The following CTNND2 variants were observed in gnomAD, a reference collection of about 807,000 sequenced individuals.
The protein encoded by CTNND2 is catenin delta-2.
CTNND2 carries 22 observed loss-of-function variants against 144.4 expected under a neutral mutation model. The observed-to-expected ratio is 0.15, with a 90% CI of 0.11 to 0.22. The LOEUF (loss-of-function observed/expected upper bound fraction) is 0.22, where lower values mean the gene tolerates loss of function less well. Ranked by LOEUF, CTNND2 falls within the 10% of genes least tolerant of loss-of-function variation. The probability of loss-of-function intolerance (pLI) is 1.00; values close to 1 mark genes in which losing one functional copy is unlikely to be tolerated. For missense variants in CTNND2, 1,353 were observed against 1,618.8 expected, an observed-to-expected ratio of 0.84 and a Z score of 2.82; for synonymous variants, 751 against 695.6, an observed-to-expected ratio of 1.08 and a Z score of -1.25.
At chr5:11,404,776 C>G (rs896870218) in intron 5 of CTNND2, among the ~76,000 whole-genome samples, 3 of 151,780 alleles carry the variant, frequency 2.0e-5, no homozygotes, top group African/African-American at 7.3e-5. Context: ...CCCCACCATG[C>G]CCGGCTAATT....
At chr5:11,005,432 A>C (rs1163573485) in intron 18 of CTNND2, among the ~76,000 whole-genome samples, 1 of 152,222 alleles carries the variant, frequency 6.6e-6, no homozygotes, top group Admixed American at 6.5e-5. Flanking sequence ...AAATAGACTG[A>C]AGATGGTAAC....
rs559949426 is a variant in CTNND2 at position 11,798,023 on chromosome 5, C to T, written c.38-65751G>A. Among the ~76,000 whole-genome samples the T allele has an allele frequency of 1.4e-4, 22 of 151,980 alleles. No individual in the cohort carries two copies. The East Asian group carries it at 4.3e-3, about 30-fold the overall frequency. ...CTGTAATCCTAGCATTTTGGGAGGC[C>T]AAGGTGGGCAGATCACCTGAGGTGA... On this transcript the variant is annotated intron_variant, in intron 1 of 21. Coordinates refer to ENST00000304623, the MANE Select transcript of CTNND2 (RefSeq NM_001332.4).
chr5:11,617,777 G>T (rs1336574292), intron 2 of CTNND2, among the ~76,000 whole-genome samples: 1 of 152,178 alleles, frequency 6.6e-6, no homozygotes, highest in Non-Finnish European at 1.5e-5. Context: ...AATTCTCAGA[G>T]CCACTTATAT....
chr5:11,574,556 C>T (rs1458518305), intron 2 of CTNND2, among the ~76,000 whole-genome samples: 2 of 152,122 alleles, frequency 1.3e-5, no homozygotes, highest in Non-Finnish European at 1.5e-5. Flanking sequence ...TCATTTCACA[C>T]TCTCTTTTAT....
At chr5:11,165,037 G>A (rs560916063) in intron 11 of CTNND2, among the ~76,000 whole-genome samples, 19 of 152,304 alleles carry the variant, frequency 1.2e-4, no homozygotes, top group African/African-American at 4.6e-4. Flanking sequence ...CTTATAGGAT[G>A]CCATGTGCTG....
chr5:11,398,238 T>A (rs1322190254), intron 5 of CTNND2, among the ~76,000 whole-genome samples: 2 of 152,212 alleles, frequency 1.3e-5, no homozygotes, highest in African/African-American at 4.8e-5. Context: ...TCCCCCTCTT[T>A]GGCTGTTTTA....
intron 1 of CTNND2, among the ~76,000 whole-genome samples, chr5:11,782,835 G>A (rs748848977): frequency 1.1e-4 from 16 of 152,106 alleles, no homozygotes. Context: ...CCCCAAATCT[G>A]TGATGTGAGT....
At position 11,117,612 on chromosome 5, in the gene CTNND2, A is replaced by G. The variant is rs749492621; in HGVS notation, c.2160-45T>C. 9.4e-6 allele frequency: 14 copies of G among 1,487,892 alleles called. No homozygotes were observed. In the South Asian group the frequency reaches 1.6e-4, roughly 17 times the overall value. 92.2% of individuals were successfully genotyped at this position (1,487,892 alleles called of 1,614,324 possible). On this transcript the variant is annotated intron_variant, in intron 12 of 21. Transcript: ENST00000304623. ...GTCAGCGATCTTCACGGTTGTCACC[A>G]AAAGAATGTCTTTCCATGCCCAGCT... is the stretch of plus-strand genomic sequence containing the variant.
chr5:11,499,148 C>T (rs1219176978), intron 3 of CTNND2, among the ~76,000 whole-genome samples: 1 of 152,132 alleles, frequency 6.6e-6, no homozygotes, highest in African/African-American at 2.4e-5. Flanking sequence ...AGGGAATAAA[C>T]ACCTTTGAAA....
At chr5:11,040,937 A>G (rs889035357) in intron 16 of CTNND2, among the ~76,000 whole-genome samples, 3 of 152,340 alleles carry the variant, frequency 2.0e-5, no homozygotes, top group African/African-American at 7.2e-5. Flanking sequence ...CAAGATTGCT[A>G]TCTAGCAAAG....
chr5:11,562,493 T>C (rs887637432), intron 3 of CTNND2, among the ~76,000 whole-genome samples: 6 of 152,246 alleles, frequency 3.9e-5, no homozygotes, highest in African/African-American at 1.4e-4. Flanking sequence ...AATAAATTGC[T>C]TGTAGTTATA....
intron 3 of CTNND2, among the ~76,000 whole-genome samples, chr5:11,473,691 G>A (rs1767455048): frequency 6.6e-6 from 1 of 152,214 alleles, no homozygotes; most frequent in South Asian, 2.1e-4. Context: ...CACAGCAGGT[G>A]TGTCCACAGG....
intron 10 of CTNND2, among the ~76,000 whole-genome samples, chr5:11,231,126 A>G (rs915853495): frequency 1.3e-5 from 2 of 152,152 alleles, no homozygotes; most frequent in African/African-American, 4.8e-5. Flanking sequence ...CCCCTGCTTG[A>G]ATACATTCTT....
intron 2 of CTNND2, among the ~76,000 whole-genome samples, chr5:11,619,978 A>T (rs574465700): frequency 7.2e-5 from 11 of 152,348 alleles, no homozygotes; most frequent in African/African-American, 2.6e-4. Flanking sequence ...TTTTCAATAA[A>T]TGTTTAAAAT....
chr5:11,230,598 C>T (rs1004140647), intron 10 of CTNND2, among the ~76,000 whole-genome samples: 1 of 152,248 alleles, frequency 6.6e-6, no homozygotes. Flanking sequence ...GGAGGATCCA[C>T]CTCCATCTCA....
chr5:11,479,796 T>C (rs1768079236), intron 3 of CTNND2, among the ~76,000 whole-genome samples: 1 of 152,144 alleles, frequency 6.6e-6, no homozygotes, highest in African/African-American at 2.4e-5. Flanking sequence ...GCTGTATGTA[T>C]GTCTTCTTTT....
chr5:11,039,132 G>A (rs1744398662), intron 16 of CTNND2, among the ~76,000 whole-genome samples: 1 of 152,166 alleles, frequency 6.6e-6, no homozygotes, highest in African/African-American at 2.4e-5. Context: ...CCTTTCTACT[G>A]TAGTCCCAAA....
intron 3 of CTNND2, among the ~76,000 whole-genome samples, chr5:11,502,856 T>C (rs1001227334): frequency 5.9e-5 from 9 of 152,128 alleles, no homozygotes; most frequent in Non-Finnish European, 1.0e-4. Context: ...TAGAAATACA[T>C]GCAAAAATTA....
intron 9 of CTNND2, among the ~76,000 whole-genome samples, chr5:11,238,258 G>C (rs947908335): frequency 5.9e-5 from 9 of 151,982 alleles, no homozygotes; most frequent in African/African-American, 1.7e-4. Flanking sequence ...AAGACCACAG[G>C]TAAAAACTTG....
Sources: allele counts gnomAD v4.1 joint callset (sites outside exome capture counted in the v4.1 genomes callset), GRCh38; gene constraint gnomAD v4.1.1; transcripts MANE v1.5; gene names NCBI Gene and HGNC (gene_info 2026-07-23, HGNC 2026-07-21).